Variants in TSPAN11 observed in about 807,000 individuals in gnomAD.
TSPAN11 encodes the protein tetraspanin 11, also known as tetraspanin-11.
In TSPAN11, 29 loss-of-function variants were observed where a neutral mutation model predicts 32.9. The ratio of observed to expected loss-of-function variants is 0.88; its 90% confidence interval spans 0.66 to 1.20. The LOEUF (loss-of-function observed/expected upper bound fraction) is 1.20, where lower values mean the gene tolerates loss of function less well. Ranked by LOEUF, TSPAN11 falls within the 50% of genes most tolerant of loss-of-function variation. The pLI, the probability that TSPAN11 is intolerant of heterozygous loss-of-function variation, is 0.00. For missense variants in TSPAN11, 283 were observed against 329.1 expected (o/e 0.86, Z 1.08); for synonymous variants, 140 against 141.3 (o/e 0.99, Z 0.07).
intron 1 of TSPAN11, among the ~76,000 whole-genome samples, chr12:30,934,944 C>T (rs1938011650): frequency 6.6e-6 from 1 of 152,124 alleles, no homozygotes; most frequent in South Asian, 2.1e-4. Flanking sequence ...GTCCCCACCC[C>T]CATCTGTGTG....
At chr12:30,960,576 A>G (rs1938592103) in intron 2 of TSPAN11, among the ~76,000 whole-genome samples, 1 of 151,984 alleles carries the variant, frequency 6.6e-6, no homozygotes. Context: ...GCAGCCACTC[A>G]GGTTAATGCT....
intron 2 of TSPAN11, among the ~76,000 whole-genome samples, chr12:30,961,426 GGTTA>G (rs1002972626): frequency 1.3e-5 from 2 of 151,862 alleles, no homozygotes; most frequent in African/African-American, 2.4e-5. Context: ...ACAATCATGT[GGTTA>G]GTCAGGGACA....
chr12:30,972,259 G>A (rs542426952), intron 3 of TSPAN11, among the ~76,000 whole-genome samples: 1 of 152,126 alleles, frequency 6.6e-6, no homozygotes, highest in African/African-American at 2.4e-5. Context: ...AAGGGCACAG[G>A]GACCATGAAG....
intron 3 of TSPAN11, among the ~76,000 whole-genome samples, chr12:30,973,191 C>G (rs1210464323): frequency 6.6e-6 from 1 of 152,178 alleles, no homozygotes; most frequent in Non-Finnish European, 1.5e-5. Context: ...CACGTACTTG[C>G]TATGTGACCT....
chr12:31,001,763 G>T, the TSPAN11 span, among the ~76,000 whole-genome samples: 764 of 152,198 alleles, frequency 5.0e-3, 6 homozygotes, highest in African/African-American at 0.017. Context: ...CACTCCCATG[G>T]ACTGAAGAGC....
intron 1 of TSPAN11, among the ~76,000 whole-genome samples, chr12:30,933,779 T>TA (rs1469398361): frequency 1.3e-5 from 2 of 152,182 alleles, no homozygotes; most frequent in Non-Finnish European, 2.9e-5. Flanking sequence ...TTGAGGCCCC[T>TA]ATGTCTTAGA....
chr12:30,933,541 C>T (rs900782243), intron 1 of TSPAN11, among the ~76,000 whole-genome samples: 9 of 152,202 alleles, frequency 5.9e-5, no homozygotes, highest in Admixed American at 2.0e-4. Context: ...CACCCCCTAC[C>T]TCTGCCCAGG....
At chr12:30,933,711 G>C (rs1308075852) in intron 1 of TSPAN11, among the ~76,000 whole-genome samples, 2 of 152,172 alleles carry the variant, frequency 1.3e-5, no homozygotes, top group Non-Finnish European at 2.9e-5. Flanking sequence ...GGCTGCAGCT[G>C]TGGACCTAGG....
chr12:30,926,837 G>C, intron 1 of TSPAN11, 41 bp downstream of exon 1: 12 of 869,762 alleles, frequency 1.4e-5, no homozygotes, highest in Non-Finnish European at 1.7e-5. Flanking sequence ...GGCGCCGCGG[G>C]AGGGGGCTGG....
chr12:30,957,749 CTCCTTCCT>C (rs1442428213), intron 2 of TSPAN11, among the ~76,000 whole-genome samples: 1 of 39,702 alleles, frequency 2.5e-5, no homozygotes, highest in African/African-American at 2.1e-4. Flanking sequence ...CCCTCCCTCC[CTCCTTCCT>C]TCCTTCCTTC....
chr12:30,974,761 A>G (rs1938926216), intron 3 of TSPAN11, among the ~76,000 whole-genome samples: 1 of 152,220 alleles, frequency 6.6e-6, no homozygotes, highest in South Asian at 2.1e-4. Context: ...CTACGGAGCA[A>G]TGGGTAAAGT....
chr12:30,970,962 T>TTTGGCCTG (rs1338910017), intron 3 of TSPAN11, among the ~76,000 whole-genome samples: 1 of 152,208 alleles, frequency 6.6e-6, no homozygotes, highest in Non-Finnish European at 1.5e-5. Flanking sequence ...ACTTTTCCTG[T>TTTGGCCTG]TTGGCGGGTG....
intron 1 of TSPAN11, among the ~76,000 whole-genome samples, chr12:30,939,497 ATTTGT>A (rs890217767): frequency 1.3e-5 from 2 of 152,166 alleles, no homozygotes; most frequent in African/African-American, 2.4e-5. Context: ...CAGATCTGGC[ATTTGT>A]TTATGTAATG....
At chr12:30,939,537 G>A (rs184519296) in intron 1 of TSPAN11, among the ~76,000 whole-genome samples, 2 of 152,192 alleles carry the variant, frequency 1.3e-5, no homozygotes, top group East Asian at 1.9e-4. Flanking sequence ...TCAACCACAT[G>A]CACGCACTCC....
At chr12:30,960,379 C>G (rs1158958152) in intron 2 of TSPAN11, among the ~76,000 whole-genome samples, 1 of 151,978 alleles carries the variant, frequency 6.6e-6, no homozygotes, top group Non-Finnish European at 1.5e-5. Flanking sequence ...TGGAGAACTC[C>G]CCTCCGCAGA....
Position 30,986,648 on chromosome 12 carries a change from C to A in TSPAN11, c.702+3498C>A, listed in dbSNP as rs1368364131. ...ATCGCAGGAACCAGTGACCTTGAGA[C>A]TGATGTCCTGCAACACCTGGAGTGT... On this transcript the variant is annotated intron_variant, in intron 7 of 7. Coordinates refer to ENST00000546076, the MANE Select transcript of TSPAN11 (RefSeq NM_001370302.1). 6 of 152,354 alleles carry A rather than the reference C, an allele frequency of 3.9e-5. No homozygotes were observed. In the East Asian group the frequency reaches 1.2e-3, roughly 29 times the overall value. 9.4% of individuals were successfully genotyped at this position (152,354 alleles called of 1,614,324 possible). A position where few individuals can be genotyped will look rare whatever the true frequency, so the allele number is the denominator to read the frequency against.
intron 7 of TSPAN11, among the ~76,000 whole-genome samples, chr12:30,985,960 G>A (rs186699550): frequency 1.3e-5 from 2 of 152,360 alleles, no homozygotes; most frequent in African/African-American, 4.8e-5. Flanking sequence ...TTTCTCTGCT[G>A]TGGCCCACTG....
intron 3 of TSPAN11, among the ~76,000 whole-genome samples, chr12:30,973,850 A>G (rs1938903767): frequency 1.3e-5 from 2 of 152,306 alleles, no homozygotes; most frequent in South Asian, 4.1e-4. Context: ...GATGCTTCCT[A>G]GAGTCAACCC....
intron 1 of TSPAN11, among the ~76,000 whole-genome samples, chr12:30,933,261 G>C (rs1937971081): frequency 6.6e-6 from 1 of 152,192 alleles, no homozygotes; most frequent in Non-Finnish European, 1.5e-5. Flanking sequence ...GGCTCAGGTA[G>C]GTTAGGTGAC....
Sources: gnomAD v4.1 joint callset for allele counts (sites outside exome capture counted in the v4.1 genomes callset) on GRCh38, gnomAD v4.1.1 for gene constraint, MANE v1.5 for transcripts, NCBI Gene and HGNC (gene_info 2026-07-23, HGNC 2026-07-21) for gene names.